Variants in SNX29 observed in about 807,000 individuals in gnomAD.
SNX29 encodes sorting nexin-29.
In SNX29, 78 loss-of-function variants were observed where a neutral mutation model predicts 102.1. The observed-to-expected ratio is 0.76, with a 90% CI of 0.64 to 0.92. The LOEUF is 0.92. Among genes scored for constraint, SNX29 ranks in the 40% least tolerant of loss-of-function variants. The probability of loss-of-function intolerance (pLI) is 0.00; values close to 1 mark genes in which losing one functional copy is unlikely to be tolerated. For missense variants in SNX29, 1,280 were observed against 1,061.7 expected (o/e 1.21, Z -2.86); for synonymous variants, 580 against 414.5 (o/e 1.40, Z -4.85).
rs1287539194 is a variant in SNX29, at chr16:12,573,972, G to A, written c.*5343G>A. 5.0e-6 allele frequency: 1 copy of A among 199,306 alleles called. No individual in the cohort carries two copies. The highest frequency in any genetic ancestry group is 6.0e-5 in the Admixed American group (1 of 16,572). The allele number at this position is 199,306 out of a possible 1,614,324, so 12.3% of individuals were successfully genotyped here. On this transcript the variant is annotated 3_prime_UTR_variant, in exon 21 of 21. Transcript: ENST00000566228. The stretch of plus-strand genomic sequence containing the variant: ...GGAGGAGCGATGGTAACCCCACTAG[G>A]GGGCGCCCATGATCGGCTCCCAGTG...
Position 12,052,092 on chromosome 16 carries a change from A to T in SNX29, c.994A>T (p.Asn332Tyr). Residue 332 changes from asparagine to tyrosine, a missense_variant, in exon 8 of 21, where the codon AAC becomes TAC. Physicochemically the swap from Asn to Tyr is moderately radical, Grantham distance 143. Coordinates refer to ENST00000566228, the MANE Select transcript of SNX29 (RefSeq NM_032167.5). ...NSWKIDSLSL[N>Y]GEFGYQKLDV... ...ATGGAAAATTGATTCCCTGTCTTTGAACGGGGAGTTTGGGTACCAGAAGCT... is the reference window on the plus strand; with the variant it reads ...ATGGAAAATTGATTCCCTGTCTTTGTACGGGGAGTTTGGGTACCAGAAGCT... The T allele has an allele frequency of 6.2e-7, 1 of 1,613,986 alleles. No individual in the cohort carries two copies. Among genetic ancestry groups the T allele is most frequent in the Non-Finnish European group, 8.5e-7 (1 of 1,179,864 alleles).
intron 20 of SNX29, among the ~76,000 whole-genome samples, chr16:12,562,724 T>G (rs1308002315): frequency 6.6e-6 from 1 of 152,192 alleles, no homozygotes; most frequent in East Asian, 1.9e-4. Flanking sequence ...CGTGGTACTG[T>G]TTCTCGCTTT....
intron 15 of SNX29, among the ~76,000 whole-genome samples, chr16:12,296,149 G>T (rs2079973247): frequency 1.3e-5 from 2 of 152,200 alleles, no homozygotes; most frequent in African/African-American, 4.8e-5. Context: ...CCCTTCCTGT[G>T]CTCTGGCTCG....
chr16:12,532,054 G>A (rs544292820), intron 20 of SNX29, among the ~76,000 whole-genome samples: 3 of 152,292 alleles, frequency 2.0e-5, no homozygotes, highest in Admixed American at 2.0e-4. Flanking sequence ...TGCAGGTCTG[G>A]GTCGCCGTTT....
At chr16:12,281,194 G>A (rs1596743527) in intron 15 of SNX29, among the ~76,000 whole-genome samples, 2 of 152,210 alleles carry the variant, frequency 1.3e-5, no homozygotes, top group African/African-American at 4.8e-5. Context: ...GATCACAAGT[G>A]TATGCCATTG....
chr16:12,558,324 TCAA>T (rs2078501381), intron 20 of SNX29, among the ~76,000 whole-genome samples: 1 of 151,042 alleles, frequency 6.6e-6, no homozygotes, highest in Non-Finnish European at 1.5e-5. Context: ...CAAGTGGCTA[TCAA>T]CAAAGAGACA....
chr16:12,318,061 T>G (rs905884193), intron 15 of SNX29, among the ~76,000 whole-genome samples: 3 of 152,256 alleles, frequency 2.0e-5, no homozygotes, highest in Non-Finnish European at 4.4e-5. Context: ...CGCTGGCTCT[T>G]GGTGTTCTTC....
At chr16:12,562,556 T>G (rs188401012) in intron 20 of SNX29, among the ~76,000 whole-genome samples, 317 of 152,296 alleles carry the variant, frequency 2.1e-3, no homozygotes, top group African/African-American at 7.4e-3. Context: ...TCTAAGACAC[T>G]GTCCCCGTGG....
intron 15 of SNX29, among the ~76,000 whole-genome samples, chr16:12,300,857 G>C (rs964659153): frequency 1.3e-5 from 2 of 152,124 alleles, no homozygotes; most frequent in Non-Finnish European, 2.9e-5. Flanking sequence ...CCTACTAGAT[G>C]CTGGTGACAT....
intron 8 of SNX29, among the ~76,000 whole-genome samples, chr16:12,054,152 GA>G (rs1169237393): frequency 1.3e-5 from 2 of 152,118 alleles, no homozygotes; most frequent in Non-Finnish European, 2.9e-5. Flanking sequence ...ATTTTTAGTA[GA>G]GACAGGGTTT....
chr16:12,540,915 TC>T (rs1355030094), intron 20 of SNX29, among the ~76,000 whole-genome samples: 1 of 152,198 alleles, frequency 6.6e-6, no homozygotes. Context: ...GACAGCCCTG[TC>T]TGTTCACCCC....
chr16:12,511,576 C>T (rs1416726836), intron 19 of SNX29, among the ~76,000 whole-genome samples: 2 of 152,162 alleles, frequency 1.3e-5, no homozygotes, highest in East Asian at 3.8e-4. Context: ...TAGAGACATG[C>T]TTTCCTCCCT....
intron 14 of SNX29, among the ~76,000 whole-genome samples, chr16:12,243,629 C>T (rs990740582): frequency 6.6e-6 from 1 of 152,072 alleles, no homozygotes; most frequent in African/African-American, 2.4e-5. Context: ...CTATTTTGGC[C>T]CAGACATTTT....
At chr16:12,478,891 T>C (rs972227884) in intron 19 of SNX29, among the ~76,000 whole-genome samples, 5 of 152,280 alleles carry the variant, frequency 3.3e-5, no homozygotes, top group Admixed American at 1.3e-4. Flanking sequence ...AATCTTTGGC[T>C]TAGAGTCAAG....
rs191746075 is a variant in SNX29, at chr16:12,561,653, G to A, written c.2319-6853G>A. On this transcript the variant is annotated intron_variant, in intron 20 of 20. Coordinates refer to ENST00000566228, the MANE Select transcript of SNX29 (RefSeq NM_032167.5). ...CTTATTAAAAAGAACAGCCACTCCT[G>A]GGGCCCTCTGAGGGTGCCCTCACAC... Among the ~76,000 whole-genome samples the A allele has an allele frequency of 2.9e-4, 44 of 152,288 alleles. No homozygotes were observed. The East Asian group carries it at 8.3e-3, about 29-fold the overall frequency.
At chr16:12,401,083 G>A (rs372125748) in intron 17 of SNX29, among the ~76,000 whole-genome samples, 1 of 151,972 alleles carries the variant, frequency 6.6e-6, no homozygotes, top group Non-Finnish European at 1.5e-5. Context: ...CGCCTACCTC[G>A]GCCTCCCAAA....
intron 3 of SNX29, among the ~76,000 whole-genome samples, chr16:12,011,315 G>A (rs980477167): frequency 3.3e-5 from 5 of 149,402 alleles, no homozygotes; most frequent in Admixed American, 6.8e-5. Context: ...GCACTCTGTC[G>A]CCCAGGCTGG....
intron 16 of SNX29, 35 bp downstream of exon 16, chr16:12,356,314 C>T (rs766230963): frequency 3.9e-6 from 6 of 1,535,150 alleles, no homozygotes; most frequent in Non-Finnish European, 5.3e-6. Context: ...GTCTGTCAAG[C>T]CTCTGCTGCC....
intron 15 of SNX29, among the ~76,000 whole-genome samples, chr16:12,352,561 C>A (rs1188763177): frequency 2.6e-5 from 4 of 152,180 alleles, no homozygotes; most frequent in Non-Finnish European, 5.9e-5. Flanking sequence ...GTTACTTAAA[C>A]TTCTTGAATC....
Sources: allele counts gnomAD v4.1 joint callset (sites outside exome capture counted in the v4.1 genomes callset), GRCh38; gene constraint gnomAD v4.1.1; transcripts MANE v1.5; gene names NCBI Gene and HGNC (gene_info 2026-07-23, HGNC 2026-07-21).